The following PRIM2 variants were observed in gnomAD, a reference collection of about 807,000 sequenced individuals.
PRIM2 encodes the protein DNA primase subunit 2, also known as DNA primase large subunit.
A neutral mutation model predicts 67.3 loss-of-function variants in PRIM2; 39 were observed. The observed-to-expected ratio is 0.58, with a 90% CI of 0.45 to 0.76. The LOEUF (loss-of-function observed/expected upper bound fraction) is 0.76, where lower values mean the gene tolerates loss of function less well. PRIM2 is among the 30% of genes least tolerant of loss of function. PRIM2 has a pLI of 0.00. For missense variants in PRIM2, 398 were observed against 598.7 expected, an observed-to-expected ratio of 0.66 and a Z score of 3.50; for synonymous variants, 143 against 198.7, an observed-to-expected ratio of 0.72 and a Z score of 2.36.
At chr6:57,515,460 A>G (rs1311071854) in intron 8 of PRIM2, among the ~76,000 whole-genome samples, 1 of 152,244 alleles carries the variant, frequency 6.6e-6, no homozygotes, top group Non-Finnish European at 1.5e-5. Context: ...AGGGAAGTTC[A>G]TTAGTCTAAA....
intron 7 of PRIM2, among the ~76,000 whole-genome samples, chr6:57,444,127 A>G (rs1005398776): frequency 7.2e-5 from 11 of 152,174 alleles, no homozygotes; most frequent in Non-Finnish European, 1.6e-4. Flanking sequence ...TTATTGGCCA[A>G]AATTACTTAT....
At chr6:57,644,137 T>G (rs1194177048) in intron 13 of PRIM2, among the ~76,000 whole-genome samples, 1 of 152,170 alleles carries the variant, frequency 6.6e-6, no homozygotes, top group Non-Finnish European at 1.5e-5. Context: ...TTACCCTGAT[T>G]TTCAAGGCTC....
At chr6:57,608,033 A>C (rs1209879570) in intron 12 of PRIM2, among the ~76,000 whole-genome samples, 1 of 151,264 alleles carries the variant, frequency 6.6e-6, no homozygotes, top group African/African-American at 2.4e-5. Flanking sequence ...ACTCCACTCT[A>C]CTTTAGAGCT....
the PRIM2 span, among the ~76,000 whole-genome samples, chr6:57,227,282 C>T: frequency 6.6e-6 from 1 of 152,182 alleles, no homozygotes; most frequent in Non-Finnish European, 1.5e-5. Flanking sequence ...CACCTCGCTT[C>T]AGTGATCTGA....
rs753900094 is a variant in PRIM2 at position 57,380,003 on chromosome 6, A to G, written c.555+7A>G. On this transcript the variant is annotated splice_region_variant and intron_variant, in intron 6 of 13. Coordinates refer to ENST00000615550, the MANE Select transcript of PRIM2 (RefSeq NM_000947.5). ...GTTCGAGTCCATTTATAAGGTATGT[A>G]AACATGTAAAATACTTCCTAGGTTT... 1 of 1,545,234 alleles carries G rather than the reference A, an allele frequency of 6.5e-7. No individual in the cohort carries two copies. Among genetic ancestry groups the G allele is most frequent in the African/African-American group, 1.4e-5 (1 of 72,888 alleles).
chr6:57,353,976 C>T (rs1768941627), intron 5 of PRIM2, among the ~76,000 whole-genome samples: 1 of 151,898 alleles, frequency 6.6e-6, no homozygotes, highest in African/African-American at 2.4e-5. Flanking sequence ...GAATGTAATT[C>T]CTATAGAGAA....
the PRIM2 span, among the ~76,000 whole-genome samples, chr6:57,241,903 A>G: frequency 6.6e-6 from 1 of 151,980 alleles, no homozygotes; most frequent in South Asian, 2.1e-4. Context: ...CGATCTCCTG[A>G]CCTCGTGATC....
chr6:57,443,489 T>C (rs575308563), intron 7 of PRIM2, among the ~76,000 whole-genome samples: 1 of 152,356 alleles, frequency 6.6e-6, no homozygotes, highest in African/African-American at 2.4e-5. Flanking sequence ...TTTTTCATTT[T>C]CCTAATAATT....
At chr6:57,467,133 A>T (rs1773223269) in intron 7 of PRIM2, among the ~76,000 whole-genome samples, 2 of 150,720 alleles carry the variant, frequency 1.3e-5, no homozygotes, top group Non-Finnish European at 3.0e-5. Context: ...AAAGAAAAAA[A>T]GATCCCATTT....
At chr6:57,286,310 A>G in the PRIM2 span, among the ~76,000 whole-genome samples, 1 of 152,234 alleles carries the variant, frequency 6.6e-6, no homozygotes, top group Non-Finnish European at 1.5e-5. Context: ...GACAATGCTA[A>G]GCAAAAAGAA....
chr6:57,551,254 G>C (rs1775395592), intron 10 of PRIM2, among the ~76,000 whole-genome samples: 1 of 152,124 alleles, frequency 6.6e-6, no homozygotes, highest in African/African-American at 2.4e-5. Context: ...TGTTGTTGTT[G>C]TATGCAGCTC....
At position 57,624,933 on chromosome 6, in the gene PRIM2, A is replaced by T. The variant is rs1359102835; in HGVS notation, c.1231-7200A>T. ...GTGGAAGGTGAGAGGCACGTCTTAC[A>T]TAGCAGCAGACAAGAGAGACAATGA... On this transcript the variant is annotated intron_variant, in intron 12 of 13. Transcript: ENST00000615550. Among the ~76,000 whole-genome samples the T allele has an allele frequency of 1.7e-3, 262 of 152,324 alleles. 1 individual carries two copies. In the Middle Eastern group the frequency reaches 0.044, roughly 26 times the overall value.
At position 57,358,908 on chromosome 6, in the gene PRIM2, C is replaced by T. The variant is rs550098787; in HGVS notation, c.460-20993C>T. 4.6e-5 allele frequency among the ~76,000 whole-genome samples: 7 copies of T among 152,266 alleles called. No individual in the cohort carries two copies. The South Asian group carries it at 1.5e-3, about 32-fold the overall frequency. On this transcript the variant is annotated intron_variant, in intron 5 of 13. Coordinates refer to ENST00000615550, the MANE Select transcript of PRIM2 (RefSeq NM_000947.5). Reference sequence around the variant, plus strand: ...TTGAGAAGTGGGATCTATGTCACCACCCCTTGAATCTCAGTAGCTTTAAAA... The same window carrying T: ...TTGAGAAGTGGGATCTATGTCACCATCCCTTGAATCTCAGTAGCTTTAAAA...
chr6:57,400,117 G>A (rs1178727628), intron 7 of PRIM2, among the ~76,000 whole-genome samples: 3 of 152,298 alleles, frequency 2.0e-5, no homozygotes, highest in African/African-American at 7.2e-5. Flanking sequence ...TGTTTGTATT[G>A]ATATGTGTAC....
intron 10 of PRIM2, among the ~76,000 whole-genome samples, chr6:57,555,312 C>T (rs1455384369): frequency 6.6e-6 from 1 of 152,052 alleles, no homozygotes; most frequent in Non-Finnish European, 1.5e-5. Context: ...CAGAGTCTTG[C>T]TCTGTCATCC....
At position 57,509,924 on chromosome 6, in the gene PRIM2, G is replaced by A. The variant is rs1222945419; in HGVS notation, c.761+2470G>A. Among the ~76,000 whole-genome samples, 1,203 of 150,460 alleles carry A rather than the reference G, an allele frequency of 8.0e-3. 10 individuals carry two copies. Among genetic ancestry groups the A allele is most frequent in the Non-Finnish European group, 0.011 (749 of 67,670 alleles). Reference sequence around the variant, plus strand: ...GTATATTGTAGATGTATATACATACGCAAATCTATTTATATTCTCCTCATG... The same window carrying A: ...GTATATTGTAGATGTATATACATACACAAATCTATTTATATTCTCCTCATG... On this transcript the variant is annotated intron_variant, in intron 8 of 13. Coordinates refer to ENST00000615550, the MANE Select transcript of PRIM2 (RefSeq NM_000947.5).
At chr6:57,305,421 T>C in the PRIM2 span, among the ~76,000 whole-genome samples, 2 of 152,154 alleles carry the variant, frequency 1.3e-5, no homozygotes, top group African/African-American at 2.4e-5. Context: ...GGTGCAGAAA[T>C]GGGCAAGATA....
At chr6:57,632,878 T>C (rs1219557093) in intron 13 of PRIM2, among the ~76,000 whole-genome samples, 4 of 152,212 alleles carry the variant, frequency 2.6e-5, no homozygotes, top group Non-Finnish European at 4.4e-5. Flanking sequence ...CCCCTAACTA[T>C]ACACGAGTCA....
chr6:57,243,339 A>G, the PRIM2 span, among the ~76,000 whole-genome samples: 2 of 152,236 alleles, frequency 1.3e-5, no homozygotes, highest in Non-Finnish European at 2.9e-5. Flanking sequence ...GGCTGTGTAC[A>G]TATGAGAAAG....
Sources: gnomAD v4.1 joint callset for allele counts (sites outside exome capture counted in the v4.1 genomes callset) on GRCh38, gnomAD v4.1.1 for gene constraint, MANE v1.5 for transcripts, NCBI Gene and HGNC (gene_info 2026-07-23, HGNC 2026-07-21) for gene names.